UBA2: variants seen among roughly 807,000 people sequenced by gnomAD.
The protein encoded by UBA2 is SUMO-activating enzyme subunit 2.
UBA2 carries 11 observed loss-of-function variants against 77.2 expected under a neutral mutation model. The observed-to-expected ratio is 0.14, with a 90% CI of 0.09 to 0.24. The LOEUF is 0.24. Among genes scored for constraint, UBA2 ranks in the 10% least tolerant of loss-of-function variants. UBA2 has a pLI of 1.00. For missense variants in UBA2, 487 were observed against 781.7 expected, an observed-to-expected ratio of 0.62 and a Z score of 4.50; for synonymous variants, 278 against 276.7, an observed-to-expected ratio of 1.00 and a Z score of -0.05.
At chr19:34,433,127 T>G (rs1420747194) in intron 3 of UBA2, 1 of 462,100 alleles carries the variant, frequency 2.2e-6, no homozygotes, top group African/African-American at 2.0e-5. Flanking sequence ...ATCTTTCTCT[T>G]GTGCCCTAGC....
intron 16 of UBA2, 177 bp downstream of exon 16, chr19:34,467,191 G>A: frequency 1.3e-6 from 1 of 764,740 alleles, no homozygotes; most frequent in South Asian, 2.2e-5. Context: ...TTTAAGGCTG[G>A]GTGTGGTGGC....
rs1206233700 is a variant in UBA2 at position 34,455,027 on chromosome 19, T to C, written c.1245+471T>C. Among the ~76,000 whole-genome samples, 5 of 152,242 alleles carry C rather than the reference T, an allele frequency of 3.3e-5. No homozygotes were observed. The South Asian group carries it at 1.0e-3, about 31-fold the overall frequency. On this transcript the variant is annotated intron_variant, in intron 12 of 16. Coordinates refer to ENST00000246548, the MANE Select transcript of UBA2 (RefSeq NM_005499.3). ...GCTATTTCTCGTAGTGATTTGCTTG[T>C]ATGGTTTATGATTTTTTAAAAACTG...
chr19:34,456,026 C>G (rs1200228576), intron 12 of UBA2, among the ~76,000 whole-genome samples: 2 of 151,652 alleles, frequency 1.3e-5, no homozygotes, highest in Non-Finnish European at 2.9e-5. Context: ...GTCCTCCCAC[C>G]TTGGCCCCCC....
At chr19:34,467,757 G>A (rs1188037918) in intron 16 of UBA2, among the ~76,000 whole-genome samples, 2 of 152,126 alleles carry the variant, frequency 1.3e-5, no homozygotes, top group African/African-American at 2.4e-5. Flanking sequence ...CGAGGCTTCC[G>A]GCTCCAAACA....
rs748157952 is a variant in UBA2, at chr19:34,466,829, C to T, written c.1605-49C>T. The T allele has an allele frequency of 7.6e-6, 12 of 1,576,724 alleles. No homozygotes were observed. The Admixed American group carries it at 1.8e-4, about 24-fold the overall frequency. ...GAACAACAGGATTTCTCTGGTGCTC[C>T]TTTGCTTTCTAAATAGTCATAGCAG... On this transcript the variant is annotated intron_variant, in intron 15 of 16. Transcript: ENST00000246548.
At chr19:34,455,685 C>A (rs2075550454) in intron 12 of UBA2, among the ~76,000 whole-genome samples, 1 of 152,066 alleles carries the variant, frequency 6.6e-6, no homozygotes, top group African/African-American at 2.4e-5. Context: ...GCTCTGTTGC[C>A]CAGGCTGGAG....
intron 7 of UBA2, among the ~76,000 whole-genome samples, chr19:34,444,589 A>T (rs1184647763): frequency 6.6e-6 from 1 of 152,062 alleles, no homozygotes; most frequent in East Asian, 1.9e-4. Context: ...GCTGGATTGC[A>T]TGAGGTCAGG....
At chr19:34,452,202 C>T (rs2075508848) in intron 10 of UBA2, 55 bp downstream of exon 10, 2 of 1,357,512 alleles carry the variant, frequency 1.5e-6, no homozygotes, top group African/African-American at 3.0e-5. Flanking sequence ...TGTTTTAGTT[C>T]TTGAGATGTA....
intron 12 of UBA2, among the ~76,000 whole-genome samples, chr19:34,455,499 C>T (rs1241505405): frequency 6.6e-6 from 1 of 151,968 alleles, no homozygotes; most frequent in Admixed American, 6.6e-5. Context: ...AGAAGGCTTC[C>T]TAGGAAATAC....
chr19:34,432,186 TTAAG>T (rs1157525035), intron 3 of UBA2, among the ~76,000 whole-genome samples: 3 of 152,186 alleles, frequency 2.0e-5, no homozygotes, highest in Middle Eastern at 6.3e-3. Flanking sequence ...TATGCTTGCC[TTAAG>T]TAAGAAGATA....
rs150022993 is a variant in UBA2 at position 34,468,019 on chromosome 19, G to A, written c.1741+1005G>A. On this transcript the variant is annotated intron_variant, in intron 16 of 16. Transcript: ENST00000246548. Reference sequence around the variant, plus strand: ...AATTTAGGCATGTTAGAGTTTCCTTGTCACCAGTATGACTTGGGTATAGTC... The same window carrying A: ...AATTTAGGCATGTTAGAGTTTCCTTATCACCAGTATGACTTGGGTATAGTC... Among the ~76,000 whole-genome samples, 578 of 152,256 alleles carry A rather than the reference G, an allele frequency of 3.8e-3. 3 individuals carry two copies. Among genetic ancestry groups the A allele is most frequent in the African/African-American group, 0.013 (548 of 41,534 alleles).
chr19:34,436,060 C>T (rs1392410527), intron 5 of UBA2, among the ~76,000 whole-genome samples: 2 of 145,024 alleles, frequency 1.4e-5, no homozygotes, highest in Non-Finnish European at 3.0e-5. Flanking sequence ...GCGGAGGTTG[C>T]GGTGAGCTGA....
chr19:34,443,441 C>CTTTTTT (rs35696396), intron 6 of UBA2, among the ~76,000 whole-genome samples: 2 of 132,234 alleles, frequency 1.5e-5, no homozygotes, highest in African/African-American at 2.8e-5. Context: ...CCGTTATTCA[C>CTTTTTT]TTTTTTTTTT....
intron 16 of UBA2, among the ~76,000 whole-genome samples, chr19:34,468,564 T>C (rs964842889): frequency 1.3e-5 from 2 of 152,214 alleles, no homozygotes; most frequent in Admixed American, 1.3e-4. Flanking sequence ...TGCTACTATG[T>C]AAGCTTGGGA....
intron 6 of UBA2, among the ~76,000 whole-genome samples, chr19:34,443,490 G>A (rs1215245724): frequency 1.4e-5 from 2 of 146,208 alleles, no homozygotes; most frequent in Non-Finnish European, 3.0e-5. Context: ...TGCCCAGGCC[G>A]GAGTGCAGTT....
chr19:34,467,970 T>C (rs2075705199), intron 16 of UBA2, among the ~76,000 whole-genome samples: 1 of 152,204 alleles, frequency 6.6e-6, no homozygotes, highest in African/African-American at 2.4e-5. Flanking sequence ...CTATTTTGAG[T>C]GAACAGGTGC....
At chr19:34,428,895 T>A in intron 1 of UBA2, 1 of 1,015,118 alleles carries the variant, frequency 9.9e-7, no homozygotes, top group Non-Finnish European at 1.2e-6. Flanking sequence ...TCCCGGCTGT[T>A]AGGAGATGCG....
intron 10 of UBA2, 109 bp downstream of exon 10, chr19:34,452,256 A>C (rs2075509347): frequency 9.9e-7 from 1 of 1,005,416 alleles, no homozygotes; most frequent in Non-Finnish European, 1.4e-6. Context: ...ATTTTGAGGA[A>C]ATATATTGAT....
chr19:34,437,703 C>T (rs533093639), intron 5 of UBA2, among the ~76,000 whole-genome samples: 1 of 152,264 alleles, frequency 6.6e-6, no homozygotes, highest in Non-Finnish European at 1.5e-5. Flanking sequence ...TCTCAGGTGT[C>T]ATGTACTTCT....
Sources: gnomAD v4.1 joint callset for allele counts (sites outside exome capture counted in the v4.1 genomes callset) on GRCh38, gnomAD v4.1.1 for gene constraint, MANE v1.5 for transcripts, NCBI Gene and HGNC (gene_info 2026-07-23, HGNC 2026-07-21) for gene names.